Variants in FHIT observed in about 807,000 individuals in gnomAD.
FHIT encodes fragile histidine triad diadenosine triphosphatase, also known as bis(5'-adenosyl)-triphosphatase.
Under a neutral mutation model 17.9 loss-of-function variants are expected in FHIT, and 19 were observed. The ratio of observed to expected loss-of-function variants is 1.06; its 90% confidence interval spans 0.74 to 1.56. FHIT has a LOEUF of 1.56. Ranked by LOEUF, FHIT falls within the 40% of genes most tolerant of loss-of-function variation. The probability of loss-of-function intolerance (pLI) is 0.00; values close to 1 mark genes in which losing one functional copy is unlikely to be tolerated. For synonymous variants in FHIT, 81 were observed against 69.7 expected (o/e 1.16, Z -0.81); for missense variants, 248 against 189.2 (o/e 1.31, Z -1.82).
intron 8 of FHIT, among the ~76,000 whole-genome samples, chr3:59,784,057 G>A (rs904210268): frequency 3.3e-5 from 5 of 152,138 alleles, no homozygotes; most frequent in African/African-American, 7.2e-5. Flanking sequence ...CAGGTGCAAC[G>A]CTTCAGGATT....
At chr3:60,941,498 GA>G (rs1708405185) in intron 3 of FHIT, among the ~76,000 whole-genome samples, 1 of 152,136 alleles carries the variant, frequency 6.6e-6, no homozygotes, top group African/African-American at 2.4e-5. Context: ...GATGGATACG[GA>G]GGTCCCCTCT....
intron 5 of FHIT, among the ~76,000 whole-genome samples, chr3:60,075,162 C>T (rs1279724085): frequency 3.3e-5 from 5 of 152,098 alleles, no homozygotes; most frequent in African/African-American, 4.8e-5. Flanking sequence ...AATAAAGGCA[C>T]ATTTTAAACT....
chr3:60,271,470 C>G (rs1175478757), intron 5 of FHIT, among the ~76,000 whole-genome samples: 1 of 152,044 alleles, frequency 6.6e-6, no homozygotes, highest in Non-Finnish European at 1.5e-5. Flanking sequence ...AAAGTAAAAC[C>G]TTAGCTTATG....
intron 8 of FHIT, among the ~76,000 whole-genome samples, chr3:59,896,463 A>C (rs927505694): frequency 1.3e-5 from 2 of 152,194 alleles, no homozygotes; most frequent in African/African-American, 4.8e-5. Context: ...GAAAATCAGA[A>C]TAATAGAGGG....
intron 5 of FHIT, among the ~76,000 whole-genome samples, chr3:60,300,534 G>C (rs1708414851): frequency 6.6e-6 from 1 of 152,076 alleles, no homozygotes; most frequent in African/African-American, 2.4e-5. Flanking sequence ...TTTCCTGTAA[G>C]ATGGGGATGA....
intron 8 of FHIT, among the ~76,000 whole-genome samples, chr3:59,889,434 A>T (rs1703757801): frequency 6.6e-6 from 1 of 152,242 alleles, no homozygotes; most frequent in African/African-American, 2.4e-5. Context: ...CCATTAGGAA[A>T]ACTATCCTCA....
chr3:59,933,813 G>T (rs1706090219), intron 7 of FHIT, among the ~76,000 whole-genome samples: 1 of 152,068 alleles, frequency 6.6e-6, no homozygotes, highest in African/African-American at 2.4e-5. Flanking sequence ...TTTTATTTCT[G>T]CTCATTCTAA....
chr3:60,148,911 G>A (rs1331430522), intron 5 of FHIT, among the ~76,000 whole-genome samples: 1 of 152,154 alleles, frequency 6.6e-6, no homozygotes, highest in African/African-American at 2.4e-5. Flanking sequence ...TCACTCTGCT[G>A]TCCTTTCTTC....
chr3:59,910,671 A>C (rs371907727), intron 8 of FHIT, among the ~76,000 whole-genome samples: 147 of 152,278 alleles, frequency 9.7e-4, no homozygotes, highest in African/African-American at 3.3e-3. Context: ...AGGAAGGAAA[A>C]AACAACAACA....
intron 8 of FHIT, among the ~76,000 whole-genome samples, chr3:59,854,508 C>G (rs72888555): frequency 0.028 from 4,309 of 152,244 alleles, 215 homozygotes; most frequent in African/African-American, 0.095. Context: ...CTTAGGGAAT[C>G]CAGGTGCTGG....
chr3:60,385,893 A>T (rs1395077046), intron 5 of FHIT, among the ~76,000 whole-genome samples: 1 of 152,160 alleles, frequency 6.6e-6, no homozygotes, highest in East Asian at 1.9e-4. Flanking sequence ...AAGATTTTAG[A>T]GTATTACTCT....
chr3:60,427,055 A>T (rs892925737), intron 5 of FHIT, among the ~76,000 whole-genome samples: 1 of 152,088 alleles, frequency 6.6e-6, no homozygotes, highest in Non-Finnish European at 1.5e-5. Flanking sequence ...AAGGGAAATT[A>T]TCTTGGGTGG....
chr3:60,891,202 A>G (rs972920021), intron 3 of FHIT, among the ~76,000 whole-genome samples: 2 of 151,988 alleles, frequency 1.3e-5, no homozygotes, highest in South Asian at 4.2e-4. Flanking sequence ...AGCTCTCTCT[A>G]TGTTGTTCTA....
chr3:60,066,630 A>ATTTTTTTTTTTTTTTTTTTT (rs71089574), intron 5 of FHIT, among the ~76,000 whole-genome samples: 5 of 51,422 alleles, frequency 9.7e-5, no homozygotes, highest in Non-Finnish European at 1.4e-4. Flanking sequence ...TCCCTGACAA[A>ATTTTTTTTTTTTTTTTTTTT]TTTTTTTTTT....
chr3:60,074,224 A>C (rs188856572), intron 5 of FHIT, among the ~76,000 whole-genome samples: 104 of 152,230 alleles, frequency 6.8e-4, no homozygotes, highest in Non-Finnish European at 1.3e-3. Flanking sequence ...TACTGGGGAC[A>C]GTTTGGTACA....
chr3:60,130,682 T>C (rs1699504283), intron 5 of FHIT, among the ~76,000 whole-genome samples: 1 of 151,848 alleles, frequency 6.6e-6, no homozygotes, highest in African/African-American at 2.4e-5. Context: ...TTTCCAAAAA[T>C]TACTTGAAAG....
At chr3:60,624,425 G>A (rs1332014882) in intron 4 of FHIT, among the ~76,000 whole-genome samples, 7 of 152,162 alleles carry the variant, frequency 4.6e-5, no homozygotes, top group African/African-American at 1.4e-4. Context: ...CAGAAGACCA[G>A]CCCAAGTTAG....
rs531023085 is a variant in FHIT, at chr3:61,006,768, G to A, written c.-111+35279C>T. Among the ~76,000 whole-genome samples, 18 of 151,936 alleles carry A rather than the reference G, an allele frequency of 1.2e-4. No individual in the cohort carries two copies. In the South Asian group the frequency reaches 3.5e-3, roughly 30 times the overall value. ...ATTTTTGAAATAAAATATACAGAAT[G>A]AATAAAGCATCTTTACTCCATTCTT... On this transcript the variant is annotated intron_variant, in intron 3 of 9. Transcript: ENST00000492590.
At chr3:60,666,252 C>A (rs1553692407) in intron 4 of FHIT, among the ~76,000 whole-genome samples, 1 of 152,138 alleles carries the variant, frequency 6.6e-6, no homozygotes, top group African/African-American at 2.4e-5. Flanking sequence ...GTTTAAAGAA[C>A]TTTCTTTAGC....
Sources: gnomAD v4.1 joint callset for allele counts (sites outside exome capture counted in the v4.1 genomes callset) on GRCh38, gnomAD v4.1.1 for gene constraint, MANE v1.5 for transcripts, NCBI Gene and HGNC (gene_info 2026-07-23, HGNC 2026-07-21) for gene names.